Variants in HMBOX1 observed in about 807,000 individuals in gnomAD.
The protein encoded by HMBOX1 is homeobox-containing protein 1.
Under a neutral mutation model 54.5 loss-of-function variants are expected in HMBOX1, and 14 were observed. The observed-to-expected ratio is 0.26, with a 90% CI of 0.17 to 0.40. The LOEUF (loss-of-function observed/expected upper bound fraction) is 0.40, where lower values mean the gene tolerates loss of function less well. Ranked by LOEUF, HMBOX1 falls within the 10% of genes least tolerant of loss-of-function variation. The pLI is 1.00. For synonymous variants in HMBOX1, 160 were observed against 181.0 expected, an observed-to-expected ratio of 0.88 and a Z score of 0.93; for missense variants, 332 against 514.4, an observed-to-expected ratio of 0.65 and a Z score of 3.43.
At chr8:28,989,770 A>G (rs993199379) in intron 4 of HMBOX1, among the ~76,000 whole-genome samples, 1 of 152,228 alleles carries the variant, frequency 6.6e-6, no homozygotes, top group Non-Finnish European at 1.5e-5. Context: ...GATTGTGTTG[A>G]ATATATAGCT....
At chr8:28,897,532 C>T (rs776373297) in intron 1 of HMBOX1, among the ~76,000 whole-genome samples, 63 of 151,868 alleles carry the variant, frequency 4.1e-4, no homozygotes, top group South Asian at 1.3e-3. Flanking sequence ...AAAATATAGC[C>T]GGGCGTGGTG....
chr8:28,986,358 A>G (rs982195281), intron 4 of HMBOX1, among the ~76,000 whole-genome samples: 1 of 152,268 alleles, frequency 6.6e-6, no homozygotes, highest in Admixed American at 6.5e-5. Context: ...AATTATGAAT[A>G]AAGCTGCTAT....
At chr8:28,985,876 A>G (rs1053980495) in intron 4 of HMBOX1, among the ~76,000 whole-genome samples, 9 of 149,006 alleles carry the variant, frequency 6.0e-5, no homozygotes, top group African/African-American at 1.5e-4. Context: ...CCACTCTCCC[A>G]CTATCACCAT....
At chr8:28,907,202 G>A (rs950769935) in intron 1 of HMBOX1, among the ~76,000 whole-genome samples, 1 of 152,116 alleles carries the variant, frequency 6.6e-6, no homozygotes, top group Non-Finnish European at 1.5e-5. Flanking sequence ...TGCATTGTTG[G>A]TATTTAAATC....
chr8:28,895,226 G>A (rs546473635), intron 1 of HMBOX1, among the ~76,000 whole-genome samples: 21 of 152,178 alleles, frequency 1.4e-4, no homozygotes, highest in Non-Finnish European at 2.8e-4. Context: ...AATATTAGTA[G>A]CCTCATTACT....
At chr8:28,982,531 C>T (rs1302546380) in intron 4 of HMBOX1, among the ~76,000 whole-genome samples, 1 of 152,158 alleles carries the variant, frequency 6.6e-6, no homozygotes, top group Non-Finnish European at 1.5e-5. Flanking sequence ...CTCATTGCAG[C>T]GTCCACCTCC....
chr8:28,969,466 T>A (rs1252957810), intron 2 of HMBOX1, among the ~76,000 whole-genome samples: 1 of 152,080 alleles, frequency 6.6e-6, no homozygotes, highest in African/African-American at 2.4e-5. Context: ...GGTGCTTATT[T>A]TTTTTTTTAA....
At chr8:29,049,605 G>A (rs754175115) in intron 9 of HMBOX1, 1 of 546,806 alleles carries the variant, frequency 1.8e-6, no homozygotes, top group Non-Finnish European at 3.0e-6. Flanking sequence ...TGCAATACCT[G>A]CATGACTCTT....
At chr8:28,938,759 T>C (rs1177725597) in intron 1 of HMBOX1, among the ~76,000 whole-genome samples, 1 of 145,158 alleles carries the variant, frequency 6.9e-6, no homozygotes, top group East Asian at 2.1e-4. Flanking sequence ...AGGGGTATCT[T>C]TTCATTCACT....
intron 6 of HMBOX1, 85 bp downstream of exon 6, chr8:29,018,998 A>G: frequency 8.1e-7 from 1 of 1,231,466 alleles, no homozygotes; most frequent in Non-Finnish European, 1.2e-6. Flanking sequence ...TTTCATTTCA[A>G]ACAAGTAACT....
At chr8:28,958,769 T>C (rs1007632505) in intron 1 of HMBOX1, among the ~76,000 whole-genome samples, 4 of 152,220 alleles carry the variant, frequency 2.6e-5, no homozygotes, top group African/African-American at 9.6e-5. Context: ...CTTCTTATGT[T>C]TTTACCAGAG....
intron 1 of HMBOX1, among the ~76,000 whole-genome samples, chr8:28,910,728 T>C (rs1176268570): frequency 6.6e-6 from 1 of 152,226 alleles, no homozygotes; most frequent in African/African-American, 2.4e-5. Context: ...GTCATCATAT[T>C]GAACTGTAAG....
intron 1 of HMBOX1, among the ~76,000 whole-genome samples, chr8:28,936,247 A>C (rs1563421715): frequency 6.6e-6 from 1 of 152,018 alleles, no homozygotes; most frequent in East Asian, 1.9e-4. Flanking sequence ...TAGGAATCAA[A>C]CATGGGTGTA....
intron 4 of HMBOX1, among the ~76,000 whole-genome samples, chr8:28,994,446 A>G (rs1831488946): frequency 6.6e-6 from 1 of 152,212 alleles, no homozygotes; most frequent in South Asian, 2.1e-4. Context: ...ACATTATACC[A>G]GAATCAAAAA....
intron 1 of HMBOX1, among the ~76,000 whole-genome samples, chr8:28,934,648 G>A (rs1425391726): frequency 6.6e-6 from 1 of 152,134 alleles, no homozygotes; most frequent in African/African-American, 2.4e-5. Flanking sequence ...GAAATTGGCC[G>A]GGCGCGGTGG....
chr8:28,980,194 T>A, intron 4 of HMBOX1, 38 bp downstream of exon 4: 1 of 1,411,816 alleles, frequency 7.1e-7, no homozygotes, highest in Non-Finnish European at 1.0e-6. Flanking sequence ...GAATCATGTG[T>A]AGTCTCTGCC....
At chr8:28,976,425 TCTCA>T (rs1247426839) in intron 3 of HMBOX1, among the ~76,000 whole-genome samples, 8 of 152,258 alleles carry the variant, frequency 5.3e-5, no homozygotes, top group Admixed American at 2.0e-4. Flanking sequence ...TTAGATGGAG[TCTCA>T]CTCTGTTGCC....
intron 1 of HMBOX1, among the ~76,000 whole-genome samples, chr8:28,929,550 T>TA (rs1819113202): frequency 1.3e-5 from 2 of 152,200 alleles, no homozygotes; most frequent in South Asian, 4.1e-4. Flanking sequence ...TGTAAGATAC[T>TA]AAAATAGCTT....
intron 6 of HMBOX1, among the ~76,000 whole-genome samples, chr8:29,022,298 G>A (rs1295560035): frequency 6.6e-6 from 1 of 152,018 alleles, no homozygotes; most frequent in Non-Finnish European, 1.5e-5. Context: ...CATGCCTGTA[G>A]TCCCAGCCAC....
Sources: gnomAD v4.1 joint callset for allele counts (sites outside exome capture counted in the v4.1 genomes callset) on GRCh38, gnomAD v4.1.1 for gene constraint, MANE v1.5 for transcripts, NCBI Gene and HGNC (gene_info 2026-07-23, HGNC 2026-07-21) for gene names.